Variants in ZBTB20 observed in about 807,000 individuals in gnomAD.
ZBTB20 encodes the protein zinc finger and BTB domain containing 20.
A neutral mutation model predicts 56.9 loss-of-function variants in ZBTB20; 9 were observed. The observed-to-expected ratio is 0.16, with a 90% CI of 0.10 to 0.28. The LOEUF (loss-of-function observed/expected upper bound fraction) is 0.28. Among genes scored for constraint, ZBTB20 ranks in the 10% least tolerant of loss-of-function variants. The pLI, the probability that ZBTB20 is intolerant of heterozygous loss-of-function variation, is 1.00. For missense variants in ZBTB20, 655 were observed against 1,003.0 expected (o/e 0.65, Z 4.69); for synonymous variants, 417 against 420.7 (o/e 0.99, Z 0.11).
intron 6 of ZBTB20, among the ~76,000 whole-genome samples, chr3:114,509,240 A>C (rs950811429): frequency 1.3e-5 from 2 of 152,034 alleles, no homozygotes; most frequent in African/African-American, 4.8e-5. Context: ...CTTTGGGGAT[A>C]CTCTTAGTGA....
intron 4 of ZBTB20, among the ~76,000 whole-genome samples, chr3:114,813,991 A>C (rs975080184): frequency 6.6e-6 from 1 of 151,986 alleles, no homozygotes; most frequent in Non-Finnish European, 1.5e-5. Context: ...CTTTGTTGCT[A>C]ATGAAAGTTA....
chr3:114,934,609 T>C (rs1342211013), intron 3 of ZBTB20, among the ~76,000 whole-genome samples: 1 of 152,202 alleles, frequency 6.6e-6, no homozygotes, highest in Non-Finnish European at 1.5e-5. Flanking sequence ...AAGATTTATG[T>C]GTACTGTGGC....
At chr3:115,041,724 G>C (rs983633180) in intron 2 of ZBTB20, among the ~76,000 whole-genome samples, 2 of 152,140 alleles carry the variant, frequency 1.3e-5, no homozygotes, top group African/African-American at 4.8e-5. Flanking sequence ...CACAAAAATA[G>C]TTTGTAACTT....
At position 114,946,845 on chromosome 3, in the gene ZBTB20, T is replaced by C. The variant is rs1241360129; in HGVS notation, c.-456+27521A>G. ...AAACTAAAAAGCTTCTGCCCAGAAA[T>C]AGAAATAATCAAGAGTGATCAGATG... On this transcript the variant is annotated intron_variant, in intron 3 of 11. Transcript: ENST00000675478. Among the ~76,000 whole-genome samples the C allele has an allele frequency of 2.8e-5, 4 of 145,098 alleles. 1 individual carries two copies. Among genetic ancestry groups the C allele is most frequent in the African/African-American group, 1.1e-4 (4 of 35,464 alleles).
intron 5 of ZBTB20, among the ~76,000 whole-genome samples, chr3:114,749,363 C>T (rs1038647768): frequency 2.6e-5 from 4 of 151,996 alleles, no homozygotes; most frequent in African/African-American, 9.7e-5. Flanking sequence ...ACCAGCCTGG[C>T]CAACATAGTG....
chr3:114,541,027 G>C (rs2049050591), intron 6 of ZBTB20, among the ~76,000 whole-genome samples: 2 of 151,992 alleles, frequency 1.3e-5, no homozygotes, highest in South Asian at 4.2e-4. Context: ...TATAGGATCA[G>C]ATTACCTAGG....
intron 10 of ZBTB20, among the ~76,000 whole-genome samples, chr3:114,368,725 C>T (rs2082685150): frequency 6.6e-6 from 1 of 152,228 alleles, no homozygotes; most frequent in African/African-American, 2.4e-5. Flanking sequence ...TGGAGCAGGG[C>T]TGGAAGTGGG....
At chr3:114,571,436 T>C (rs2053425612) in intron 6 of ZBTB20, among the ~76,000 whole-genome samples, 1 of 152,158 alleles carries the variant, frequency 6.6e-6, no homozygotes, top group South Asian at 2.1e-4. Flanking sequence ...CAAAATAACA[T>C]AATTTACTGT....
In ZBTB20 at chr3:114,884,700, T is replaced by G. The variant is rs373423489; in HGVS notation, c.-417+15604A>C. Among the ~76,000 whole-genome samples the G allele has an allele frequency of 2.6e-3, 391 of 152,340 alleles. 1 individual carries two copies. Among genetic ancestry groups the G allele is most frequent in the African/African-American group, 9.0e-3 (373 of 41,582 alleles). On this transcript the variant is annotated intron_variant, in intron 4 of 11. Coordinates refer to ENST00000675478, the MANE Select transcript of ZBTB20 (RefSeq NM_001348800.3). ...CCTGTGCTCACCTCAAATGGAGAGA[T>G]AACTATATATTCCGAAAAAGTTCTA...
At chr3:114,883,341 G>A (rs551755153) in intron 4 of ZBTB20, among the ~76,000 whole-genome samples, 57 of 152,068 alleles carry the variant, frequency 3.7e-4, no homozygotes, top group South Asian at 1.9e-3. Context: ...AGTACCTCTG[G>A]GTCTCAATGG....
chr3:114,921,694 T>C (rs2075965411), intron 3 of ZBTB20, among the ~76,000 whole-genome samples: 1 of 122,962 alleles, frequency 8.1e-6, no homozygotes, highest in Non-Finnish European at 1.6e-5. Flanking sequence ...AAGGGGAACA[T>C]CACACACCAG....
At chr3:115,074,439 T>G (rs961207564) in intron 1 of ZBTB20, among the ~76,000 whole-genome samples, 1 of 152,168 alleles carries the variant, frequency 6.6e-6, no homozygotes, top group Non-Finnish European at 1.5e-5. Context: ...AAACTTGTAC[T>G]GCCATTTAGT....
chr3:114,741,718 CAA>C (rs547113766), intron 5 of ZBTB20, among the ~76,000 whole-genome samples: 3 of 135,142 alleles, frequency 2.2e-5, no homozygotes, highest in African/African-American at 5.4e-5. Flanking sequence ...ACTGAAAATA[CAA>C]AAAAAAAAAA....
chr3:114,356,818 T>C (rs1178785815), intron 10 of ZBTB20, among the ~76,000 whole-genome samples: 1 of 152,154 alleles, frequency 6.6e-6, no homozygotes, highest in Admixed American at 6.5e-5. Flanking sequence ...ATCCCTGCAC[T>C]ATAGGAGGTA....
At chr3:114,341,902 A>G (rs2079804362) in intron 11 of ZBTB20, among the ~76,000 whole-genome samples, 1 of 152,206 alleles carries the variant, frequency 6.6e-6, no homozygotes, top group Non-Finnish European at 1.5e-5. Context: ...AGGGCAACCT[A>G]CTTAGTCACT....
At chr3:114,428,362 C>T (rs897418720) in intron 7 of ZBTB20, among the ~76,000 whole-genome samples, 11 of 152,220 alleles carry the variant, frequency 7.2e-5, no homozygotes, top group African/African-American at 2.7e-4. Flanking sequence ...CTGACGAAAG[C>T]AGACTATGTC....
intron 6 of ZBTB20, among the ~76,000 whole-genome samples, chr3:114,591,943 G>C (rs576677792): frequency 2.0e-5 from 3 of 152,162 alleles, no homozygotes; most frequent in Non-Finnish European, 4.4e-5. Flanking sequence ...TGTGATTTTT[G>C]CATCACTCTT....
intron 5 of ZBTB20, among the ~76,000 whole-genome samples, chr3:114,703,023 T>A (rs964699142): frequency 6.6e-6 from 1 of 151,778 alleles, no homozygotes; most frequent in African/African-American, 2.4e-5. Flanking sequence ...TTAGAGAGAG[T>A]GTGTGTGTGA....
intron 4 of ZBTB20, among the ~76,000 whole-genome samples, chr3:114,867,149 C>T (rs956399894): frequency 6.6e-6 from 1 of 152,076 alleles, no homozygotes; most frequent in African/African-American, 2.4e-5. Context: ...TGTGGGCACT[C>T]GGCTCTTAAG....
Sources: gnomAD v4.1 joint callset for allele counts (sites outside exome capture counted in the v4.1 genomes callset) on GRCh38, gnomAD v4.1.1 for gene constraint, MANE v1.5 for transcripts, NCBI Gene and HGNC (gene_info 2026-07-23, HGNC 2026-07-21) for gene names.